Variants in AQR observed in about 807,000 individuals in gnomAD.
The protein encoded by AQR is aquarius intron-binding spliceosomal factor.
AQR carries 61 observed loss-of-function variants against 180.5 expected under a neutral mutation model. The ratio of observed to expected loss-of-function variants is 0.34; its 90% CI spans 0.28 to 0.42. AQR has a LOEUF of 0.42. Ranked by LOEUF, AQR falls within the 10% of genes least tolerant of loss-of-function variation. The pLI is 1.00. For synonymous variants in AQR, 551 were observed against 588.8 expected (o/e 0.94, Z 0.93); for missense variants, 1,281 against 1,798.3 (o/e 0.71, Z 5.20).
At chr15:34,868,999 G>C (rs548432710) in intron 31 of AQR, 1 of 152,206 alleles carries the variant, frequency 6.6e-6, no homozygotes, top group African/African-American at 2.4e-5. Context: ...CATTGCTCTT[G>C]AATAAATATG....
chr15:34,879,431 GAAGA>G (rs1566980991), intron 27 of AQR, among the ~76,000 whole-genome samples: 1 of 152,162 alleles, frequency 6.6e-6, no homozygotes, highest in African/African-American at 2.4e-5. Context: ...GAGGTAGCAT[GAAGA>G]GAGAACTGCG....
At chr15:34,936,624 G>C (rs574690637) in intron 9 of AQR, among the ~76,000 whole-genome samples, 2 of 151,952 alleles carry the variant, frequency 1.3e-5, no homozygotes, top group Admixed American at 1.3e-4. Flanking sequence ...GCTGAGGCAG[G>C]AGAATCACTT....
intron 16 of AQR, among the ~76,000 whole-genome samples, chr15:34,912,274 T>C (rs1450004855): frequency 6.6e-6 from 1 of 152,154 alleles, no homozygotes; most frequent in East Asian, 1.9e-4. Context: ...ATGTTACAAA[T>C]TGGCAGCTTT....
Position 34,856,268 on chromosome 15 carries a change from A to C in AQR, c.*524T>G, listed in dbSNP as rs187610278. The C allele has an allele frequency of 1.6e-5, 5 of 308,272 alleles. No individual in the cohort carries two copies. The highest frequency in any genetic ancestry group is 8.6e-5 in the African/African-American group (4 of 46,774). The allele number at this position is 308,272 out of a possible 1,614,324, so 19.1% of individuals were successfully genotyped here. A position where few individuals can be genotyped will look rare whatever the true frequency, so the allele number is the denominator to read the frequency against. ...GGCATTCTAAGATTTGAGAGAAGGA[A>C]ATGCATGTAACCACTTTGATAGATT... On this transcript the variant is annotated 3_prime_UTR_variant, in exon 35 of 35. Transcript: ENST00000156471.
chr15:34,895,143 A>T (rs1239986933), intron 22 of AQR, among the ~76,000 whole-genome samples: 2 of 130,588 alleles, frequency 1.5e-5, no homozygotes, highest in African/African-American at 2.8e-5. Flanking sequence ...GCCTGGGCTA[A>T]AAAGTAAGAC....
intron 16 of AQR, among the ~76,000 whole-genome samples, chr15:34,914,589 G>C (rs530054923): frequency 3.9e-5 from 6 of 152,286 alleles, no homozygotes; most frequent in Admixed American, 1.3e-4. Flanking sequence ...TTCCCCTAGA[G>C]AGGCTGCCTG....
intron 34 of AQR, among the ~76,000 whole-genome samples, chr15:34,858,006 CAG>C (rs1298854306): frequency 6.6e-6 from 1 of 152,088 alleles, no homozygotes; most frequent in Admixed American, 6.5e-5. Context: ...TTGACTGAGA[CAG>C]AGTCCCACTC....
At chr15:34,915,975 G>A (rs1362074072) in intron 15 of AQR, among the ~76,000 whole-genome samples, 1 of 151,684 alleles carries the variant, frequency 6.6e-6, no homozygotes, top group African/African-American at 2.4e-5. Flanking sequence ...AGAGAGAATT[G>A]GGGTGAAGGA....
Position 34,949,972 on chromosome 15 carries a change from T to TAAA in AQR, c.210-1591_210-1589dup, listed in dbSNP as rs374857238. Among the ~76,000 whole-genome samples the TAAA allele has an allele frequency of 4.1e-3, 534 of 131,424 alleles. 3 individuals are homozygous for TAAA. Among genetic ancestry groups the TAAA allele is most frequent in the African/African-American group, 0.012 (379 of 32,712 alleles). 86.2% of individuals were successfully genotyped at this position (131,424 alleles called of 152,430 possible). On this transcript the variant is annotated intron_variant, in intron 4 of 34. Coordinates refer to ENST00000156471, the MANE Select transcript of AQR (RefSeq NM_014691.3). ...CAGAGTGAGACCCCATCTCCAAAAC[T>TAAA]AAAAAAAAAAAAAAAAATCTTCTGA...
At chr15:34,932,633 CAAT>C in intron 10 of AQR, among the ~76,000 whole-genome samples, 199 bp from the exon 11 acceptor site, 1 of 152,192 alleles carries the variant, frequency 6.6e-6, no homozygotes, top group African/African-American at 2.4e-5. Flanking sequence ...GTTTTAAAAA[CAAT>C]AATGATGATA....
At chr15:34,880,872 G>T (rs1423860015) in intron 27 of AQR, among the ~76,000 whole-genome samples, 1 of 152,134 alleles carries the variant, frequency 6.6e-6, no homozygotes, top group Admixed American at 6.5e-5. Context: ...TAAATGGGAC[G>T]GATGAGCAGA....
At chr15:34,874,339 T>C (rs1566979954) in intron 29 of AQR, 2 of 327,760 alleles carry the variant, frequency 6.1e-6, no homozygotes, top group Non-Finnish European at 5.5e-6. Flanking sequence ...GAAGTAAGAA[T>C]TGGTGTGTTC....
At chr15:34,870,999 T>G in intron 30 of AQR, 77 bp from the exon 31 acceptor site, 2 of 1,439,218 alleles carry the variant, frequency 1.4e-6, no homozygotes, top group Non-Finnish European at 1.9e-6. Flanking sequence ...CTCATCTAGA[T>G]AAGCAAAACT....
chr15:34,933,995 A>G (rs1218198986), intron 10 of AQR, among the ~76,000 whole-genome samples: 1 of 152,024 alleles, frequency 6.6e-6, no homozygotes, highest in Non-Finnish European at 1.5e-5. Context: ...GTGGTGCCCA[A>G]CTGTAGTCTC....
At chr15:34,906,390 C>A (rs111417408) in intron 18 of AQR, 155 bp downstream of exon 18, 3 of 806,704 alleles carry the variant, frequency 3.7e-6, no homozygotes, top group African/African-American at 1.7e-5. Flanking sequence ...TAAAACTGCA[C>A]GGTAGGTACC....
chr15:34,891,430 C>A (rs2140471637), intron 23 of AQR, among the ~76,000 whole-genome samples: 1 of 152,218 alleles, frequency 6.6e-6, no homozygotes, highest in South Asian at 2.1e-4. Context: ...ATTATACATG[C>A]AAATGAAGAT....
chr15:34,949,455 A>T (rs1894182816), intron 4 of AQR, among the ~76,000 whole-genome samples: 1 of 151,662 alleles, frequency 6.6e-6, no homozygotes, highest in Admixed American at 6.6e-5. Flanking sequence ...CTAAAAATAC[A>T]AAAATTAGCT....
chr15:34,872,845 G>C (rs1244756119), intron 30 of AQR, among the ~76,000 whole-genome samples: 2 of 151,910 alleles, frequency 1.3e-5, no homozygotes, highest in African/African-American at 4.8e-5. Flanking sequence ...GCTGTAAAGA[G>C]AGAGAGAAAA....
At chr15:34,887,047 C>G (rs895041267) in intron 24 of AQR, among the ~76,000 whole-genome samples, 12 of 151,794 alleles carry the variant, frequency 7.9e-5, no homozygotes, top group African/African-American at 2.9e-4. Flanking sequence ...ATGGCGTGAA[C>G]CTGGGAGGCG....
Sources: gnomAD v4.1 joint callset for allele counts (sites outside exome capture counted in the v4.1 genomes callset) on GRCh38, gnomAD v4.1.1 for gene constraint, MANE v1.5 for transcripts, NCBI Gene and HGNC (gene_info 2026-07-23, HGNC 2026-07-21) for gene names.